The following MKLN1 variants were observed in gnomAD, a reference collection of about 807,000 sequenced individuals.
MKLN1 encodes muskelin 1.
A neutral mutation model predicts 99.0 loss-of-function variants in MKLN1; 18 were observed. The observed-to-expected ratio is 0.18, with a 90% CI of 0.13 to 0.27. MKLN1 has a LOEUF of 0.27. Among genes scored for constraint, MKLN1 ranks in the 10% least tolerant of loss-of-function variants. MKLN1 has a pLI of 1.00. For synonymous variants in MKLN1, 288 were observed against 293.2 expected (o/e 0.98, Z 0.18); for missense variants, 621 against 875.9 (o/e 0.71, Z 3.67).
At chr7:131,118,214 C>T (rs1795307759) in intron 1 of MKLN1, among the ~76,000 whole-genome samples, 1 of 152,182 alleles carries the variant, frequency 6.6e-6, no homozygotes, top group African/African-American at 2.4e-5. Flanking sequence ...TCCCTTCTGC[C>T]ATGATTGAAA....
chr7:131,330,966 A>C (rs192110816), intron 1 of MKLN1, among the ~76,000 whole-genome samples: 43 of 152,276 alleles, frequency 2.8e-4, no homozygotes, highest in Admixed American at 8.5e-4. Flanking sequence ...ATTTACACCT[A>C]ATTTAATAAT....
chr7:131,168,869 CTTTTTTTTT>C (rs61416767), intron 2 of MKLN1, among the ~76,000 whole-genome samples: 1 of 139,232 alleles, frequency 7.2e-6, no homozygotes, highest in Admixed American at 7.2e-5. Flanking sequence ...TCGTTGTTTT[CTTTTTTTTT>C]TTTTTTTGAG....
Position 131,437,871 on chromosome 7 carries a change from C to T in MKLN1, c.1047C>T (p.Ser349=). 2 of 1,613,820 alleles carry T rather than the reference C, an allele frequency of 1.2e-6. No individual in the cohort carries two copies. The highest frequency in any genetic ancestry group is 1.7e-6 in the Non-Finnish European group (2 of 1,179,824). ...QIYTLGRYLD[S]SVRNSKSLKS... is the part of the protein sequence containing the mutation. The stretch of plus-strand genomic sequence containing the variant: ...ACACATTGGGGCGTTACTTGGATTC[C>T]TCTGTGAGGAACAGCAAATCTCTGA... Residue 349 remains serine (S), a synonymous_variant, in exon 10 of 18, where the codon TCC becomes TCT. Transcript: ENST00000352689.
intron 1 of MKLN1, among the ~76,000 whole-genome samples, chr7:131,350,056 G>A (rs1799674944): frequency 6.6e-6 from 1 of 152,054 alleles, no homozygotes; most frequent in Admixed American, 6.5e-5. Context: ...TCTGCTATTT[G>A]CTAGGCCATT....
chr7:131,140,927 G>A (rs1023965830), intron 1 of MKLN1, among the ~76,000 whole-genome samples: 1 of 151,958 alleles, frequency 6.6e-6, no homozygotes, highest in South Asian at 2.1e-4. Flanking sequence ...CTATAGGCGC[G>A]TGCCACCATG....
At chr7:131,258,102 CAGA>C (rs1274732314) in intron 3 of MKLN1, among the ~76,000 whole-genome samples, 2 of 148,906 alleles carry the variant, frequency 1.3e-5, no homozygotes, top group African/African-American at 5.0e-5. Context: ...GCCTGGGTGA[CAGA>C]GTGAGACTCT....
intron 1 of MKLN1, among the ~76,000 whole-genome samples, chr7:131,128,622 A>G (rs1795500089): frequency 6.6e-6 from 1 of 152,184 alleles, no homozygotes; most frequent in African/African-American, 2.4e-5. Context: ...TACATGAGAA[A>G]TTCTAGATTT....
At chr7:131,156,460 A>AAG (rs1178379918) in intron 2 of MKLN1, among the ~76,000 whole-genome samples, 3 of 151,076 alleles carry the variant, frequency 2.0e-5, no homozygotes, top group Non-Finnish European at 4.4e-5. Context: ...AAAAAAAAAA[A>AAG]AAAAAAAAAA....
At chr7:131,123,753 A>G (rs1487835975) in intron 1 of MKLN1, among the ~76,000 whole-genome samples, 1 of 151,198 alleles carries the variant, frequency 6.6e-6, no homozygotes, top group Non-Finnish European at 1.5e-5. Context: ...GTGCCACTGC[A>G]CTCCAGCCTG....
chr7:131,187,444 G>T (rs1046681336), intron 2 of MKLN1, among the ~76,000 whole-genome samples: 1 of 152,074 alleles, frequency 6.6e-6, no homozygotes, highest in Non-Finnish European at 1.5e-5. Context: ...GCAAACTATG[G>T]CCTGAGGGCC....
Position 131,332,443 on chromosome 7 carries a change from CT to C in MKLN1, c.98+4451del, listed in dbSNP as rs897096159. Among the ~76,000 whole-genome samples the C allele has an allele frequency of 2.1e-3, 317 of 148,152 alleles. 1 individual carries two copies. The highest frequency in any genetic ancestry group is 3.8e-3 in the Non-Finnish European group (253 of 67,138). ...CCCATGTCTAAGAAAAAAATAGACA[CT>C]TTTTATATCATATATATTAAAATAT... is the stretch of plus-strand genomic sequence containing the variant. On this transcript the variant is annotated intron_variant, in intron 1 of 17. Coordinates refer to ENST00000352689, the MANE Select transcript of MKLN1 (RefSeq NM_013255.5).
chr7:131,397,020 G>C (rs571234380), intron 4 of MKLN1, among the ~76,000 whole-genome samples: 9 of 152,194 alleles, frequency 5.9e-5, no homozygotes, highest in African/African-American at 2.2e-4. Flanking sequence ...ATTTATTTGG[G>C]GGTAGACATG....
chr7:131,466,215 T>A, intron 14 of MKLN1, 61 bp from the exon 15 acceptor site: 1 of 1,299,206 alleles, frequency 7.7e-7, no homozygotes, highest in Non-Finnish European at 1.1e-6. Context: ...TATGCACTGC[T>A]ACTAGAATAT....
intron 1 of MKLN1, among the ~76,000 whole-genome samples, chr7:131,329,693 T>C (rs1197015888): frequency 1.3e-5 from 2 of 152,210 alleles, no homozygotes; most frequent in Non-Finnish European, 2.9e-5. Context: ...ATCTGTTGTA[T>C]AGACATTTTA....
chr7:131,227,964 C>G (rs768225899), intron 3 of MKLN1, among the ~76,000 whole-genome samples: 1 of 152,218 alleles, frequency 6.6e-6, no homozygotes, highest in African/African-American at 2.4e-5. Context: ...TTTATTCTGT[C>G]CCCCAGTAGG....
intron 1 of MKLN1, among the ~76,000 whole-genome samples, chr7:131,340,936 T>C (rs1469965408): frequency 6.6e-6 from 1 of 152,206 alleles, no homozygotes; most frequent in Non-Finnish European, 1.5e-5. Flanking sequence ...CTTGTAACAG[T>C]AGAAAGCTTT....
chr7:131,426,728 A>G (rs1349459108), intron 8 of MKLN1, among the ~76,000 whole-genome samples: 1 of 151,808 alleles, frequency 6.6e-6, no homozygotes, highest in Non-Finnish European at 1.5e-5. Context: ...AATGATGTTC[A>G]TACTTGACAG....
chr7:131,305,862 G>T (rs1798457974), intron 3 of MKLN1, among the ~76,000 whole-genome samples: 1 of 152,126 alleles, frequency 6.6e-6, no homozygotes, highest in South Asian at 2.1e-4. Context: ...CTCTCTCTCA[G>T]GGAAATATTT....
chr7:131,159,090 AG>A (rs1796010177), intron 2 of MKLN1, among the ~76,000 whole-genome samples: 1 of 152,178 alleles, frequency 6.6e-6, no homozygotes, highest in Admixed American at 6.5e-5. Context: ...GCTACTAGGG[AG>A]GCTGAAGTGA....
Sources: allele counts gnomAD v4.1 joint callset (sites outside exome capture counted in the v4.1 genomes callset), GRCh38; gene constraint gnomAD v4.1.1; transcripts MANE v1.5; gene names NCBI Gene and HGNC (gene_info 2026-07-23, HGNC 2026-07-21).